Variants in MEGF10 observed in about 807,000 individuals in gnomAD.
The protein encoded by MEGF10 is multiple EGF like domains 10, also known as multiple epidermal growth factor-like domains protein 10.
Under a neutral mutation model 147.5 loss-of-function variants are expected in MEGF10, and 86 were observed. That is an observed-to-expected ratio of 0.58 (90% confidence interval 0.49 to 0.70). The LOEUF (loss-of-function observed/expected upper bound fraction) is 0.70. MEGF10 is among the 30% of genes least tolerant of loss of function. MEGF10 has a pLI of 0.00. For synonymous variants in MEGF10, 478 were observed against 525.5 expected (o/e 0.91, Z 1.24); for missense variants, 1,329 against 1,487.3 (o/e 0.89, Z 1.75).
the MEGF10 span, among the ~76,000 whole-genome samples, chr5:127,278,538 C>G: frequency 6.6e-6 from 1 of 152,046 alleles, no homozygotes; most frequent in East Asian, 1.9e-4. Context: ...TGGGAATACT[C>G]TTGTTGAGAG....
At chr5:127,261,247 A>G in the MEGF10 span, among the ~76,000 whole-genome samples, 1 of 152,100 alleles carries the variant, frequency 6.6e-6, no homozygotes, top group African/African-American at 2.4e-5. Flanking sequence ...TCACCCCTCA[A>G]TCCAAATCCC....
the MEGF10 span, among the ~76,000 whole-genome samples, chr5:127,265,490 A>G: frequency 6.6e-6 from 1 of 152,042 alleles, no homozygotes; most frequent in African/African-American, 2.4e-5. Flanking sequence ...TTGAGGAATT[A>G]CCACACTGTC....
intron 4 of MEGF10, among the ~76,000 whole-genome samples, chr5:127,341,584 C>T (rs1340252362): frequency 6.6e-6 from 1 of 152,114 alleles, no homozygotes; most frequent in Non-Finnish European, 1.5e-5. Flanking sequence ...GTACATATCT[C>T]GTCTTTCTTC....
chr5:127,416,930 C>T (rs1764799622), intron 9 of MEGF10, among the ~76,000 whole-genome samples: 2 of 152,102 alleles, frequency 1.3e-5, no homozygotes. Context: ...TGTTTTTGGC[C>T]CTAGTTAAGG....
At position 127,449,158 on chromosome 5, in the gene MEGF10, T is replaced by C. The variant is rs1766059321; in HGVS notation, c.2916T>C (p.Pro972=). ...LKNVNPGKRG[P]VGDCTGTLPA... is the part of the protein sequence containing the mutation. ...ATGTGAACCCTGGGAAGAGAGGCCC[T>C]GTGGGGGACTGCACTGGGACATTGC... Residue 972 remains proline, a synonymous_variant, in exon 22 of 25, where the codon CCT becomes CCC. Transcript: ENST00000503335. 1.9e-6 allele frequency: 3 copies of C among 1,614,146 alleles called. No individual in the cohort carries two copies. In the East Asian group the frequency reaches 6.7e-5, roughly 36 times the overall value.
intron 7 of MEGF10, among the ~76,000 whole-genome samples, chr5:127,401,801 A>AAT (rs1764143758): frequency 1.3e-5 from 2 of 152,202 alleles, no homozygotes; most frequent in Non-Finnish European, 2.9e-5. Context: ...GATTGGAGTA[A>AAT]ATATAATGAC....
At chr5:127,456,697 A>T (rs993557260) in intron 24 of MEGF10, among the ~76,000 whole-genome samples, 5 of 152,250 alleles carry the variant, frequency 3.3e-5, no homozygotes, top group African/African-American at 1.2e-4. Context: ...CCACAGTAGG[A>T]TGGGAACTCA....
intron 21 of MEGF10, 37 bp downstream of exon 21, chr5:127,447,721 G>A: frequency 1.2e-6 from 2 of 1,612,690 alleles, no homozygotes; most frequent in Non-Finnish European, 1.7e-6. Context: ...GAAGTGGGCT[G>A]GGGAGAGAGG....
intron 4 of MEGF10, among the ~76,000 whole-genome samples, chr5:127,368,498 C>A (rs1338295110): frequency 6.6e-6 from 1 of 152,132 alleles, no homozygotes; most frequent in Non-Finnish European, 1.5e-5. Flanking sequence ...CTGTTCCTAG[C>A]GAATTCTCAC....
intron 20 of MEGF10, 67 bp from the exon 21 acceptor site, chr5:127,447,490 T>G: frequency 6.2e-7 from 1 of 1,604,144 alleles, no homozygotes; most frequent in Non-Finnish European, 8.5e-7. Flanking sequence ...TTTGTTATTT[T>G]GATTCCCTTT....
intron 24 of MEGF10, 44 bp from the exon 25 acceptor site, chr5:127,457,084 A>G: frequency 6.6e-7 from 1 of 1,510,504 alleles, no homozygotes; most frequent in Non-Finnish European, 8.9e-7. Flanking sequence ...CTTTTTAAAA[A>G]CATTTCCTTT....
the MEGF10 span, among the ~76,000 whole-genome samples, chr5:127,263,278 A>G: frequency 6.9e-6 from 1 of 145,260 alleles, no homozygotes; most frequent in South Asian, 2.4e-4. Flanking sequence ...AGAGACAGGA[A>G]TAAGATTTGG....
intron 7 of MEGF10, among the ~76,000 whole-genome samples, chr5:127,399,943 A>G (rs1412928056): frequency 6.6e-6 from 1 of 152,166 alleles, no homozygotes; most frequent in Non-Finnish European, 1.5e-5. Context: ...GCTTAGATTT[A>G]TATTTGTCAC....
intron 9 of MEGF10, among the ~76,000 whole-genome samples, chr5:127,414,196 T>G (rs944453388): frequency 1.3e-5 from 2 of 152,196 alleles, no homozygotes; most frequent in African/African-American, 2.4e-5. Flanking sequence ...TCTTAGCAAT[T>G]GTCCTTCATG....
chr5:127,359,491 C>T (rs949095926), intron 4 of MEGF10, among the ~76,000 whole-genome samples: 3 of 152,104 alleles, frequency 2.0e-5, no homozygotes, highest in Admixed American at 1.3e-4. Flanking sequence ...TGAACCTATA[C>T]ATCACATACA....
At chr5:127,415,197 C>T (rs760948467) in intron 9 of MEGF10, among the ~76,000 whole-genome samples, 8 of 152,104 alleles carry the variant, frequency 5.3e-5, no homozygotes, top group African/African-American at 9.7e-5. Context: ...TGAGGCCCCA[C>T]GGGCTGTATT....
At chr5:127,375,633 C>G (rs1389674500) in intron 5 of MEGF10, among the ~76,000 whole-genome samples, 1 of 152,184 alleles carries the variant, frequency 6.6e-6, no homozygotes, top group Non-Finnish European at 1.5e-5. Flanking sequence ...TCTTCCCTCC[C>G]CTCTTCCCTG....
intron 5 of MEGF10, among the ~76,000 whole-genome samples, chr5:127,377,100 T>A (rs1763059877): frequency 6.6e-6 from 1 of 152,188 alleles, no homozygotes. Context: ...TCATTCATAA[T>A]CTTGTGAATG....
intron 1 of MEGF10, among the ~76,000 whole-genome samples, chr5:127,295,846 A>G (rs1759473282): frequency 6.6e-6 from 1 of 152,240 alleles, no homozygotes; most frequent in South Asian, 2.1e-4. Context: ...AAGAATTAAT[A>G]CAAGATTCAC....
Sources: allele counts gnomAD v4.1 joint callset (sites outside exome capture counted in the v4.1 genomes callset), GRCh38; gene constraint gnomAD v4.1.1; transcripts MANE v1.5; gene names NCBI Gene and HGNC (gene_info 2026-07-23, HGNC 2026-07-21).